ADAM12: variants seen among roughly 807,000 people sequenced by gnomAD.
ADAM12 encodes ADAM metallopeptidase domain 12, also known as disintegrin and metalloproteinase domain-containing protein 12.
Under a neutral mutation model 106.4 loss-of-function variants are expected in ADAM12, and 70 were observed. The observed-to-expected ratio is 0.66, with a 90% confidence interval of 0.54 to 0.80. ADAM12 has a LOEUF of 0.80. Among genes scored for constraint, ADAM12 ranks in the 30% least tolerant of loss-of-function variants. The pLI is 0.00. For synonymous variants in ADAM12, 420 were observed against 433.5 expected (o/e 0.97, Z 0.39); for missense variants, 1,010 against 1,171.9 (o/e 0.86, Z 2.02).
chr10:126,063,189 G>C (rs1017550914), intron 14 of ADAM12, among the ~76,000 whole-genome samples: 2 of 152,160 alleles, frequency 1.3e-5, no homozygotes, highest in African/African-American at 2.4e-5. Context: ...CTGCCCACGC[G>C]CATCCCTGAG....
chr10:126,387,411 A>AGGAGGGAGACTTCCGCT (rs1554879183), intron 1 of ADAM12, among the ~76,000 whole-genome samples: 1 of 151,908 alleles, frequency 6.6e-6, no homozygotes, highest in Non-Finnish European at 1.5e-5. Flanking sequence ...GAGTGGAGGA[A>AGGAGGGAGACTTCCGCT]GGAGGGAGAA....
rs904333294 is a variant in ADAM12 at position 126,049,985 on chromosome 10, G to GAGGT, written c.1610-320_1610-317dup. ...ATGAGATCTGATCCAGGGCAGAAAG[G>GAGGT]AGGTGGCTGGCTGGCTGGCTGGCTG... On this transcript the variant is annotated intron_variant, in intron 14 of 22. Transcript: ENST00000448723. This position sits in a 1 kb window ranked among gnomAD's most constrained non-coding sequence, Gnocchi z 4.4. Among the ~76,000 whole-genome samples, 12 of 135,058 alleles carry GAGGT rather than the reference G, an allele frequency of 8.9e-5. No individual in the cohort carries two copies. Among genetic ancestry groups the GAGGT allele is most frequent in the African/African-American group, 3.2e-4 (12 of 38,028 alleles). 88.6% of individuals were successfully genotyped at this position (135,058 alleles called of 152,430 possible).
intron 3 of ADAM12, among the ~76,000 whole-genome samples, chr10:126,240,845 C>A (rs1958508342): frequency 6.6e-6 from 1 of 152,196 alleles, no homozygotes; most frequent in Admixed American, 6.5e-5. Flanking sequence ...CAACACAGAG[C>A]CCCCCGGGAG....
At chr10:126,161,230 G>T (rs2133741193) in intron 3 of ADAM12, among the ~76,000 whole-genome samples, 1 of 152,278 alleles carries the variant, frequency 6.6e-6, no homozygotes, top group African/African-American at 2.4e-5. Flanking sequence ...ATTAATAGCT[G>T]CTAAACACAC....
chr10:126,178,239 T>TA (rs1957253354), intron 3 of ADAM12, among the ~76,000 whole-genome samples: 1 of 152,160 alleles, frequency 6.6e-6, no homozygotes, highest in Non-Finnish European at 1.5e-5. Context: ...ATATTGTAGT[T>TA]ACAAAGCTTC....
chr10:126,234,077 AG>A (rs1299488237), intron 3 of ADAM12, among the ~76,000 whole-genome samples: 1 of 152,250 alleles, frequency 6.6e-6, no homozygotes, highest in Non-Finnish European at 1.5e-5. Flanking sequence ...GAAAATACAC[AG>A]CAGGCGGAGT....
At chr10:126,036,533 C>T (rs1050776365) in intron 20 of ADAM12, among the ~76,000 whole-genome samples, 3 of 152,120 alleles carry the variant, frequency 2.0e-5, no homozygotes, top group Non-Finnish European at 2.9e-5. Context: ...GCCTCCACCC[C>T]ACCAAATCTG....
At chr10:126,046,257 A>C in intron 16 of ADAM12, 125 bp from the exon 17 acceptor site, 2 of 812,670 alleles carry the variant, frequency 2.5e-6, no homozygotes, top group Non-Finnish European at 4.2e-6. Context: ...ACCTTGTCTC[A>C]GTTAATACGG....
intron 3 of ADAM12, among the ~76,000 whole-genome samples, chr10:126,193,457 T>C (rs1274463151): frequency 6.6e-6 from 1 of 152,116 alleles, no homozygotes; most frequent in Non-Finnish European, 1.5e-5. Flanking sequence ...GTCAAATACA[T>C]TAGAGAAATG....
intron 3 of ADAM12, among the ~76,000 whole-genome samples, chr10:126,182,854 C>T (rs370543050): frequency 5.3e-5 from 8 of 152,342 alleles, no homozygotes; most frequent in African/African-American, 1.4e-4. Context: ...CCTCCTGGCA[C>T]GCAAGCGTGC....
intron 3 of ADAM12, among the ~76,000 whole-genome samples, chr10:126,245,845 C>T (rs114427600): frequency 0.012 from 1,822 of 151,854 alleles, 41 homozygotes; most frequent in African/African-American, 0.041. Flanking sequence ...GCAAAGGTCA[C>T]GGAGAGGATG....
chr10:126,039,053 G>A (rs536207673), intron 19 of ADAM12, among the ~76,000 whole-genome samples: 6 of 141,444 alleles, frequency 4.2e-5, no homozygotes, highest in African/African-American at 5.2e-5. Flanking sequence ...TCCGCCTCCC[G>A]GGTTCACGCC....
chr10:126,155,165 A>G, intron 4 of ADAM12, 62 bp downstream of exon 4: 1 of 1,567,714 alleles, frequency 6.4e-7, no homozygotes, highest in Non-Finnish European at 8.8e-7. Context: ...TAAAATGGCT[A>G]CAAAGGTTAA....
At chr10:126,328,050 A>C (rs571203633) in intron 2 of ADAM12, among the ~76,000 whole-genome samples, 15 of 152,356 alleles carry the variant, frequency 9.8e-5, no homozygotes, top group Admixed American at 9.8e-4. Context: ...TTTCCTTCTT[A>C]GAAAGGGCTT....
At chr10:126,175,263 G>A (rs906621164) in intron 3 of ADAM12, among the ~76,000 whole-genome samples, 2 of 152,200 alleles carry the variant, frequency 1.3e-5, no homozygotes, top group Admixed American at 1.3e-4. Flanking sequence ...GAAGACCAGT[G>A]TGCGTGGAGG....
intron 3 of ADAM12, among the ~76,000 whole-genome samples, chr10:126,257,521 T>C (rs1208160037): frequency 6.6e-6 from 1 of 152,242 alleles, no homozygotes; most frequent in Non-Finnish European, 1.5e-5. Flanking sequence ...AAAGTGGTCA[T>C]GCATTTCTAC....
intron 14 of ADAM12, among the ~76,000 whole-genome samples, chr10:126,062,967 TAAACCATGTCAAGCCCA>T (rs1342633362): frequency 6.6e-6 from 1 of 152,202 alleles, no homozygotes; most frequent in Non-Finnish European, 1.5e-5. Context: ...CTGAAGTCAC[TAAACCATGTCAAGCCCA>T]AACACCATTC....
chr10:126,132,716 A>G (rs1271821179), intron 5 of ADAM12, among the ~76,000 whole-genome samples: 1 of 152,114 alleles, frequency 6.6e-6, no homozygotes, highest in African/African-American at 2.4e-5. Flanking sequence ...CCCACCATGC[A>G]AACTGGGGCT....
intron 3 of ADAM12, among the ~76,000 whole-genome samples, chr10:126,266,954 C>T (rs974922759): frequency 2.0e-5 from 3 of 152,206 alleles, no homozygotes; most frequent in African/African-American, 4.8e-5. Context: ...CTGGGGATTA[C>T]AACCGAACAG....
Sources: gnomAD v4.1 joint callset for allele counts (sites outside exome capture counted in the v4.1 genomes callset) on GRCh38, gnomAD v4.1.1 for gene constraint, Gnocchi (gnomAD v3.1) non-coding constraint, MANE v1.5 for transcripts, NCBI Gene and HGNC (gene_info 2026-07-23, HGNC 2026-07-21) for gene names.